The following OFD1 variants were observed in gnomAD, a reference collection of about 807,000 sequenced individuals.
OFD1 encodes OFD1 centriole and centriolar satellite protein, also known as centriole and centriolar satellite protein OFD1.
OFD1 carries 12 observed loss-of-function variants against 81.4 expected under a neutral mutation model. That is an observed-to-expected ratio of 0.15 (90% CI 0.09 to 0.24). The LOEUF is 0.24. Ranked by LOEUF, OFD1 falls within the 10% of genes least tolerant of loss-of-function variation. The pLI is 1.00. For synonymous variants in OFD1, 256 were observed against 263.7 expected (o/e 0.97, Z 0.28); for missense variants, 685 against 733.9 (o/e 0.93, Z 0.77).
chrX:13,758,241 CAA>C (rs760497141), intron 14 of OFD1, 94 bp from the exon 15 acceptor site: 64 of 606,379 alleles, frequency 1.1e-4, no homozygotes, highest in Non-Finnish European at 1.7e-4. Context: ...ATTGGCAGAA[CAA>C]AAAGAGTACA....
chrX:13,744,048 G>A (rs1602810364), intron 5 of OFD1, among the ~76,000 whole-genome samples: 1 of 111,815 alleles, frequency 8.9e-6, no homozygotes, highest in African/African-American at 3.3e-5. Flanking sequence ...CAGCACTTTG[G>A]GAGGCCCAGG....
At chrX:13,735,405 TC>T in intron 2 of OFD1, 59 bp downstream of exon 2, 1 of 848,159 alleles carries the variant, frequency 1.2e-6, no homozygotes, top group Middle Eastern at 2.7e-4. Flanking sequence ...AACAGGTAGT[TC>T]AAATTCAATC....
At chrX:13,766,995 A>G in intron 19 of OFD1, 132 bp from the exon 20 acceptor site, 2 of 592,738 alleles carry the variant, frequency 3.4e-6, no homozygotes, top group South Asian at 5.2e-5. Flanking sequence ...TAGTGACTTG[A>G]AGCAGGTCAC....
intron 6 of OFD1, 94 bp from the exon 7 acceptor site, chrX:13,746,225 C>T (rs776400568): frequency 1.2e-6 from 1 of 811,878 alleles, no homozygotes; most frequent in Non-Finnish European, 1.9e-6. Flanking sequence ...ACACTTTCCC[C>T]TAAGTATCCT....
chrX:13,767,572 G>A lies in OFD1; in HGVS notation c.2757+288G>A, dbSNP rs1004857735. Among the ~76,000 whole-genome samples, 5 of 112,354 alleles carry A rather than the reference G, an allele frequency of 4.5e-5. No homozygotes were observed. In the East Asian group the frequency reaches 8.3e-4, roughly 19 times the overall value. On this transcript the variant is annotated intron_variant, in intron 20 of 22. Transcript: ENST00000340096. ...AAAAGGTAGACTGTGCTTTGCTGCA[G>A]AACTTTGCTTTGAAAACAGGGTTTA...
intron 5 of OFD1, among the ~76,000 whole-genome samples, chrX:13,740,451 C>T (rs1281826664): frequency 8.9e-6 from 1 of 112,001 alleles, no homozygotes; most frequent in Admixed American, 9.5e-5. Flanking sequence ...GTATCTTTTG[C>T]TTAACTATTA....
rs1310117461 is a variant in OFD1 at position 13,763,756 on chromosome X, A to G, written c.2500A>G (p.Met834Val). The G allele has an allele frequency of 8.3e-7, 1 of 1,209,875 alleles. No homozygotes were observed. The highest frequency in any genetic ancestry group is 1.8e-5 in the South Asian group (1 of 56,929). The change falls in exon 19 of 23, where the codon ATG becomes GTG. Residue 834 changes from methionine to valine, a missense_variant. By Grantham distance (21) the Met-to-Val change is conservative. Coordinates refer to ENST00000340096, the MANE Select transcript of OFD1 (RefSeq NM_003611.3). ...FESSFESAGNMPRQLEMGGLS... is the reference protein window; with the variant it reads ...FESSFESAGNVPRQLEMGGLS... ...TGTGCCTCATGCAGCTGCAGGGAAC[A>G]TGCCAAGGCAGTTGGAAATGGGCGG...
intron 5 of OFD1, chrX:13,739,798 GC>G: frequency 1.3e-6 from 1 of 750,346 alleles, no homozygotes; most frequent in African/African-American, 2.3e-5. Flanking sequence ...CTTAATTTTG[GC>G]CTTGATAATA....
the OFD1 span, among the ~76,000 whole-genome samples, chrX:13,727,084 C>T: frequency 8.9e-6 from 1 of 112,164 alleles, no homozygotes; most frequent in South Asian, 3.7e-4. Context: ...GCACCCAATA[C>T]AGGAGCACCT....
chrX:13,737,806 C>G (rs2046929973), intron 3 of OFD1, among the ~76,000 whole-genome samples: 1 of 111,867 alleles, frequency 8.9e-6, no homozygotes. Flanking sequence ...ATTTGCATTT[C>G]TTCATAAGCA....
chrX:13,725,987 T>C, the OFD1 span, among the ~76,000 whole-genome samples: 5 of 111,583 alleles, frequency 4.5e-5, no homozygotes, highest in African/African-American at 1.3e-4. Flanking sequence ...ACTGATTTGA[T>C]CAAGTAGAAG....
upstream of OFD1, among the ~76,000 whole-genome samples, chrX:13,730,002 C>T (rs934406971): frequency 3.6e-5 from 4 of 111,914 alleles, no homozygotes; most frequent in African/African-American, 9.7e-5. Context: ...ATTCAGGACA[C>T]AGGCATGGGC....
In OFD1 at chrX:13,734,968, AG is replaced by A. The variant is rs2046795022; in HGVS notation, c.-101del. 1 of 1,148,469 alleles carries A rather than the reference AG, an allele frequency of 8.7e-7. No homozygotes were observed. Among genetic ancestry groups the A allele is most frequent in the African/African-American group, 1.8e-5 (1 of 55,761 alleles). The allele number at this position is 1,148,469 out of a possible 1,213,427, so 94.6% of individuals were successfully genotyped here. On this transcript the variant is annotated 5_prime_UTR_variant, in exon 1 of 23. Coordinates refer to ENST00000340096, the MANE Select transcript of OFD1 (RefSeq NM_003611.3). ...CCCTCGGGACAGAGGCAGGGTTCTG[AG>A]GGCAGGGATTCCCCCTCGTCTTGGC...
intron 9 of OFD1, among the ~76,000 whole-genome samples, chrX:13,750,200 G>A (rs2047450063): frequency 9.0e-6 from 1 of 111,694 alleles, no homozygotes; most frequent in South Asian, 3.7e-4. Flanking sequence ...TCAACTCTCT[G>A]TCTACCTTAC....
At chrX:13,766,420 C>T (rs1486728338) in intron 19 of OFD1, among the ~76,000 whole-genome samples, 1 of 111,668 alleles carries the variant, frequency 9.0e-6, no homozygotes, top group Middle Eastern at 4.6e-3. Flanking sequence ...ATCGAAGGAC[C>T]GGGATGATCA....
chrX:13,747,865 G>A (rs1017649091), intron 8 of OFD1, among the ~76,000 whole-genome samples: 1 of 111,731 alleles, frequency 9.0e-6, no homozygotes, highest in Non-Finnish European at 1.9e-5. Context: ...AACTGGACAG[G>A]AGACAGAGAG....
In OFD1 at chrX:13,736,652, C is replaced by G; in HGVS notation, c.286C>G (p.Pro96Ala). ...GYEYSLSVFF[P>A]ESGLAKEKVF... The stretch of plus-strand genomic sequence containing the variant: ...TGAATATTCACTTTCTGTTTTCTTT[C>G]CAGAAAGTGGTTTGGCAAAAGAAAA... Residue 96 changes from proline to alanine, a missense_variant, in exon 3 of 23, where the codon CCA (proline) becomes GCA (alanine). Around this residue, in one of 3 missense-constraint regions of OFD1, gnomAD observed 414 missense variants for 447.2 expected, o/e 0.93. Transcript: ENST00000340096. 2 of 1,207,682 alleles carry G rather than the reference C, an allele frequency of 1.7e-6. No individual in the cohort carries two copies. The highest frequency in any genetic ancestry group is 3.5e-5 in the South Asian group (2 of 56,844).
rs2046814710 is a variant in OFD1 at position 13,735,278 on chromosome X, A to G, written c.43A>G (p.Ser15Gly). The change falls in exon 2 of 23, where the codon AGT (serine) becomes GGT (glycine). Residue 15 changes from serine (S) to glycine (G), a missense_variant. Physicochemically the swap from Ser to Gly is moderately conservative, Grantham distance 56. Around this residue, in one of 3 missense-constraint regions of OFD1, gnomAD observed 414 missense variants for 447.2 expected, o/e 0.93. Coordinates refer to ENST00000340096, the MANE Select transcript of OFD1 (RefSeq NM_003611.3). ...CATGTTTACCGTGGCTGATGTGTTG[A>G]GTCAAGATGAACTGCGCAAAAAGCT... is the stretch of plus-strand genomic sequence containing the variant. ...SNMFTVADVL[S>G]QDELRKKLYQ... The G allele has an allele frequency of 8.3e-7, 1 of 1,210,107 alleles. No individual in the cohort carries two copies. The highest frequency in any genetic ancestry group is 1.7e-5 in the African/African-American group (1 of 57,290).
intron 18 of OFD1, 71 bp from the exon 19 acceptor site, chrX:13,763,674 C>T: frequency 1.2e-6 from 1 of 867,649 alleles, no homozygotes; most frequent in Non-Finnish European, 1.7e-6. Context: ...TCAGTTGCCC[C>T]CACACTGCAC....
Sources: allele counts gnomAD v4.1 joint callset (sites outside exome capture counted in the v4.1 genomes callset), GRCh38; gene constraint gnomAD v4.1.1; regional missense constraint gnomAD v4.1.1; transcripts MANE v1.5; gene names NCBI Gene and HGNC (gene_info 2026-07-23, HGNC 2026-07-21).